Variants in EPC1 observed in about 807,000 individuals in gnomAD.
EPC1 encodes the protein enhancer of polycomb 1.
Under a neutral mutation model 98.4 loss-of-function variants are expected in EPC1, and 12 were observed. That is an observed-to-expected ratio of 0.12 (90% CI 0.08 to 0.20). The LOEUF (loss-of-function observed/expected upper bound fraction) is 0.20, where lower values mean the gene tolerates loss of function less well. Ranked by LOEUF, EPC1 falls within the 10% of genes least tolerant of loss-of-function variation. The probability of loss-of-function intolerance (pLI) is 1.00; values close to 1 mark genes in which losing one functional copy is unlikely to be tolerated. For missense variants in EPC1, 729 were observed against 990.5 expected (o/e 0.74, Z 3.54); for synonymous variants, 357 against 363.9 (o/e 0.98, Z 0.21).
chr10:32,346,979 AC>A lies in EPC1; in HGVS notation c.-65del, dbSNP rs1370036128. The A allele has an allele frequency of 1.9e-4, 300 of 1,589,788 alleles. No homozygotes were observed. The highest frequency in any genetic ancestry group is 2.3e-4 in the Non-Finnish European group (273 of 1,173,280). ...GCCCCGGCCAGCGGGATCATGGAGAACCGGGGGTTCGGTCCCCACTCGCCAA... is the reference window on the plus strand; with the variant it reads ...GCCCCGGCCAGCGGGATCATGGAGAACGGGGGTTCGGTCCCCACTCGCCAA... On this transcript the variant is annotated 5_prime_UTR_variant, in exon 1 of 14. Transcript: ENST00000319778.
rs1182172363 is a variant in EPC1, at chr10:32,285,024, T to C, written c.1418A>G (p.Asp473Gly). 2.5e-6 allele frequency: 4 copies of C among 1,614,136 alleles called. No homozygotes were observed. Among genetic ancestry groups the C allele is most frequent in the South Asian group, 2.2e-5 (2 of 91,086 alleles). The change falls in exon 10 of 14, where the codon GAC becomes GGC. Residue 473 changes from aspartate to glycine, a missense_variant. By Grantham distance (94) the Asp-to-Gly change is moderately conservative. Coordinates refer to ENST00000319778, the MANE Select transcript of EPC1 (RefSeq NM_001272004.3). ...GRVLLDRAHSDYDSVFHHLDL... is the reference protein window; with the variant it reads ...GRVLLDRAHSGYDSVFHHLDL... ...CAGATGGTGAAACACACTGTCATAG[T>C]CTGAATGAGCTCTGTCCAGTAAGAC...
intron 1 of EPC1, among the ~76,000 whole-genome samples, chr10:32,364,023 T>C (rs1295739783): frequency 1.5e-5 from 2 of 136,082 alleles, no homozygotes; most frequent in Non-Finnish European, 3.2e-5. Context: ...TTTTTTTTTT[T>C]TTTTTTTTTA....
In EPC1 at chr10:32,293,133, A is replaced by C; in HGVS notation, c.521T>G (p.Val174Gly). The C allele has an allele frequency of 6.2e-7, 1 of 1,613,478 alleles. No homozygotes were observed. The highest frequency in any genetic ancestry group is 8.5e-7 in the Non-Finnish European group (1 of 1,179,662). ...LKEDDELIRE[V>G]YEYWIKKRKN... is the part of the protein sequence containing the mutation. Reference sequence around the variant, plus strand: ...TCTCTTTTTAATCCAATATTCATAAACTTCTCTAATTAGTTCATCATCTTC... The same window carrying C: ...TCTCTTTTTAATCCAATATTCATAACCTTCTCTAATTAGTTCATCATCTTC... Residue 174 changes from valine to glycine, a missense_variant, in exon 4 of 14, where the codon GTT becomes GGT. By Grantham distance (109) the Val-to-Gly change is moderately radical. This residue lies in a region of EPC1 where 94 missense variants were observed against 125.1 expected (regional missense o/e 0.75). Coordinates refer to ENST00000319778, the MANE Select transcript of EPC1 (RefSeq NM_001272004.3).
chr10:32,286,428 A>C (rs1404247122), intron 9 of EPC1: 1 of 461,252 alleles, frequency 2.2e-6, no homozygotes, highest in African/African-American at 1.9e-5. Flanking sequence ...CCTTTCTCAC[A>C]ATTCTACCCC....
chr10:32,343,413 GTTGGCC>G (rs2133044625), intron 1 of EPC1, among the ~76,000 whole-genome samples: 1 of 152,258 alleles, frequency 6.6e-6, no homozygotes, highest in South Asian at 2.1e-4. Flanking sequence ...GTTTCACCAT[GTTGGCC>G]AGGCTGGTCT....
intron 10 of EPC1, among the ~76,000 whole-genome samples, chr10:32,274,410 ATCTT>A: frequency 6.6e-6 from 1 of 152,294 alleles, no homozygotes; most frequent in South Asian, 2.1e-4. Flanking sequence ...CTCATGAAGA[ATCTT>A]TCTTTATCCT....
At chr10:32,346,692 G>A (rs1838847124) in intron 1 of EPC1, 71 bp downstream of exon 1, 2 of 1,484,682 alleles carry the variant, frequency 1.3e-6, no homozygotes, top group South Asian at 1.2e-5. Flanking sequence ...TGGGTTTGCT[G>A]CTCCGCCGCC....
intron 1 of EPC1, among the ~76,000 whole-genome samples, chr10:32,316,935 T>C (rs1836588472): frequency 6.6e-6 from 1 of 152,204 alleles, no homozygotes; most frequent in African/African-American, 2.4e-5. Flanking sequence ...AATGGAGAGA[T>C]GAATACATGG....
At chr10:32,273,034 C>A in intron 11 of EPC1, 129 bp downstream of exon 11, 6 of 1,614,028 alleles carry the variant, frequency 3.7e-6, no homozygotes, top group Non-Finnish European at 5.1e-6. Flanking sequence ...CTTTCTAAAC[C>A]CTGTATATTC....
intron 1 of EPC1, among the ~76,000 whole-genome samples, chr10:32,363,123 G>C (rs1370526449): frequency 1.3e-5 from 2 of 152,210 alleles, no homozygotes; most frequent in Non-Finnish European, 2.9e-5. Flanking sequence ...ACCTGGGCTA[G>C]AGTGCAGTGG....
At chr10:32,347,741 CTG>C (rs961938275), upstream of EPC1, among the ~76,000 whole-genome samples, 4 of 152,348 alleles carry the variant, frequency 2.6e-5, no homozygotes, top group African/African-American at 9.6e-5. Flanking sequence ...AAAATACAAA[CTG>C]AATTAGGGGC....
chr10:32,321,928 C>CT (rs1554822299), intron 1 of EPC1, among the ~76,000 whole-genome samples: 1 of 151,388 alleles, frequency 6.6e-6, no homozygotes, highest in Non-Finnish European at 1.5e-5. Context: ...CAACAGCATC[C>CT]TAGGTATAAG....
At position 32,345,298 on chromosome 10, in the gene EPC1, G is replaced by A. The variant is rs913468240; in HGVS notation, c.153+1465C>T. The A allele has an allele frequency of 3.0e-6, 3 of 985,290 alleles. No homozygotes were observed. The East Asian group carries it at 3.4e-4, about 112-fold the overall frequency. 61.0% of individuals were successfully genotyped at this position (985,290 alleles called of 1,614,324 possible). On this transcript the variant is annotated intron_variant, in intron 1 of 13. Transcript: ENST00000319778. ...TACATACACTTGGCTTATCTGTAAA[G>A]TTAGATTTAAGACACTACTCTCAAA...
At chr10:32,298,711 G>C (rs1835316533) in intron 2 of EPC1, among the ~76,000 whole-genome samples, 1 of 152,142 alleles carries the variant, frequency 6.6e-6, no homozygotes, top group African/African-American at 2.4e-5. Flanking sequence ...ATGTACTTAG[G>C]GAGCGAAAAT....
intron 6 of EPC1, among the ~76,000 whole-genome samples, chr10:32,290,505 A>AAAAAAAAAAAAAGAAAG (rs1554819136): frequency 6.3e-4 from 49 of 77,514 alleles, no homozygotes; most frequent in African/African-American, 2.6e-3. Flanking sequence ...AAAAAAAAAA[A>AAAAAAAAAAAAAGAAAG]AAAGAAAGAA....
At chr10:32,330,755 G>A (rs551971680) in intron 1 of EPC1, among the ~76,000 whole-genome samples, 3 of 151,986 alleles carry the variant, frequency 2.0e-5, no homozygotes, top group African/African-American at 7.2e-5. Context: ...ATGATACAAA[G>A]TACTACGCAT....
intron 1 of EPC1, 140 bp downstream of exon 1, chr10:32,346,623 T>G (rs1042354831): frequency 4.7e-6 from 4 of 843,284 alleles, no homozygotes; most frequent in Admixed American, 2.5e-5. Context: ...GGAGGCGGGG[T>G]ATAGGCCCGG....
intron 2 of EPC1, among the ~76,000 whole-genome samples, chr10:32,300,448 T>TC (rs1835443805): frequency 6.6e-6 from 1 of 151,100 alleles, no homozygotes; most frequent in Non-Finnish European, 1.5e-5. Flanking sequence ...TTTTTTTTTT[T>TC]CCTGAGACAG....
intron 1 of EPC1, among the ~76,000 whole-genome samples, chr10:32,331,358 A>G (rs1369239553): frequency 2.0e-5 from 3 of 146,374 alleles, no homozygotes; most frequent in Non-Finnish European, 4.5e-5. Context: ...ATCTCAAAAG[A>G]AAAAAAAAAA....
Sources: gnomAD v4.1 joint callset for allele counts (sites outside exome capture counted in the v4.1 genomes callset) on GRCh38, gnomAD v4.1.1 for gene constraint, gnomAD v4.1.1 regional missense constraint, MANE v1.5 for transcripts, NCBI Gene and HGNC (gene_info 2026-07-23, HGNC 2026-07-21) for gene names.